COPZ2: variants seen among roughly 807,000 people sequenced by gnomAD.
COPZ2 encodes coat protein complex I subunit zeta 2, also known as coatomer subunit zeta-2.
In COPZ2, 30 loss-of-function variants were observed where a neutral mutation model predicts 33.2. The observed-to-expected ratio is 0.90, with a 90% confidence interval of 0.68 to 1.23. COPZ2 has a LOEUF of 1.23. COPZ2 is among the 50% of genes most tolerant of loss of function. The pLI is 0.00. For synonymous variants in COPZ2, 89 were observed against 102.6 expected (o/e 0.87, Z 0.80); for missense variants, 263 against 262.4 (o/e 1.00, Z -0.02).
upstream of COPZ2, among the ~76,000 whole-genome samples, chr17:48,040,555 C>T (rs2037051946): frequency 6.6e-6 from 1 of 151,468 alleles, no homozygotes. Flanking sequence ...GCCTCAGCCT[C>T]CCGAGTAGTT....
At chr17:48,040,214 C>G (rs2037048842), upstream of COPZ2, among the ~76,000 whole-genome samples, 4 of 146,290 alleles carry the variant, frequency 2.7e-5, no homozygotes, top group South Asian at 8.8e-4. Flanking sequence ...TGGGACGATA[C>G]ACACGTGCCA....
chr17:48,033,070 G>C, intron 4 of COPZ2, 141 bp downstream of exon 4: 1 of 634,668 alleles, frequency 1.6e-6, no homozygotes, highest in East Asian at 2.7e-5. Flanking sequence ...GAACCCTTCT[G>C]GCTGCCCTCC....
the COPZ2 span, chr17:48,043,450 C>A: frequency 1.1e-6 from 1 of 899,368 alleles, no homozygotes; most frequent in Non-Finnish European, 1.3e-6. Context: ...CTCTCTCTAT[C>A]CCTCCTGCTT....
At chr17:48,043,311 A>T in the COPZ2 span, among the ~76,000 whole-genome samples, 2 of 152,182 alleles carry the variant, frequency 1.3e-5, no homozygotes, top group Non-Finnish European at 2.9e-5. Context: ...GCCTTGGTAT[A>T]GCTTGAAGGG....
intron 6 of COPZ2, chr17:48,031,722 G>A (rs565790160): frequency 1.7e-4 from 31 of 185,736 alleles, no homozygotes; most frequent in Non-Finnish European, 2.3e-4. Flanking sequence ...AGTAAGCCTC[G>A]GGGAGGGTCA....
chr17:48,029,295 G>A, intron 6 of COPZ2, 119 bp from the exon 7 acceptor site: 2 of 896,208 alleles, frequency 2.2e-6, no homozygotes, highest in Non-Finnish European at 3.6e-6. Context: ...CCACCTTCCA[G>A]GTCCCTTCCC....
chr17:48,045,982 T>G, the COPZ2 span: 1 of 152,132 alleles, frequency 6.6e-6, no homozygotes, highest in Non-Finnish European at 1.5e-5. Flanking sequence ...AAGACAGTCT[T>G]TCTGTCTCCA....
chr17:48,041,982 GT>G (rs1183020447), upstream of COPZ2, among the ~76,000 whole-genome samples: 2 of 152,032 alleles, frequency 1.3e-5, no homozygotes, highest in Non-Finnish European at 2.9e-5. Context: ...CATAGGGGAG[GT>G]GGGGAAGGAG....
At chr17:48,040,839 T>A (rs1337611694), upstream of COPZ2, among the ~76,000 whole-genome samples, 1 of 151,868 alleles carries the variant, frequency 6.6e-6, no homozygotes, top group Non-Finnish European at 1.5e-5. Context: ...TAATAATAAT[T>A]AAAATGTACC....
intron 6 of COPZ2, among the ~76,000 whole-genome samples, chr17:48,030,064 T>G: frequency 6.6e-6 from 1 of 150,640 alleles, no homozygotes; most frequent in East Asian, 2.0e-4. Flanking sequence ...GGTGGGAGGA[T>G]CACAAGGTGA....
chr17:48,047,632 A>ACCGCCAACATT, the COPZ2 span: 1 of 151,178 alleles, frequency 6.6e-6, no homozygotes, highest in African/African-American at 2.4e-5. Flanking sequence ...CACCTCTCAC[A>ACCGCCAACATT]CCGCCAACGT....
rs1416589781 is a variant in COPZ2, at chr17:48,026,168, T to G, written c.*260A>C. The G allele has an allele frequency of 4.0e-6, 2 of 502,816 alleles. No individual in the cohort carries two copies. The highest frequency in any genetic ancestry group is 7.0e-6 in the Non-Finnish European group (2 of 284,278). The allele number at this position is 502,816 out of a possible 1,614,324, so 31.1% of individuals were successfully genotyped here. On this transcript the variant is annotated 3_prime_UTR_variant, in exon 9 of 9. Transcript: ENST00000621465. ...CTAGGCCAAGAGAGAAGGAGACCCT[T>G]GGCAGAAGACAAAAGCAGGTTTATT...
chr17:48,036,737 G>C, intron 2 of COPZ2, 114 bp downstream of exon 2: 1 of 896,360 alleles, frequency 1.1e-6, no homozygotes, highest in Non-Finnish European at 1.8e-6. Flanking sequence ...AGGACCTCTG[G>C]AGGGGTCTAA....
intron 8 of COPZ2, chr17:48,027,593 T>C (rs942569644): frequency 1.2e-4 from 19 of 152,194 alleles, no homozygotes; most frequent in African/African-American, 4.6e-4. Context: ...CATTCCAGCA[T>C]GGTATGAGGA....
In COPZ2 at chr17:48,036,703, C is replaced by A. The variant is rs548886148; in HGVS notation, c.186+148G>T. 185 of 669,648 alleles carry A rather than the reference C, an allele frequency of 2.8e-4. 1 individual carries two copies. In the African/African-American group the frequency reaches 3.2e-3, roughly 11 times the overall value. 41.5% of individuals were successfully genotyped at this position (669,648 alleles called of 1,614,324 possible). A position where few individuals can be genotyped will look rare whatever the true frequency, so the allele number is the denominator to read the frequency against. On this transcript the variant is annotated intron_variant, in intron 2 of 8. Transcript: ENST00000621465. ...AGACCCCTCATTTCAGGGAGCAGCA[C>A]CTTGACAAGGCAGGAGGATGAGAAG...
At chr17:48,042,142 CT>C (rs1389788842), upstream of COPZ2, among the ~76,000 whole-genome samples, 1 of 151,276 alleles carries the variant, frequency 6.6e-6, no homozygotes, top group Non-Finnish European at 1.5e-5. Context: ...TTCTTTTTTT[CT>C]TTTTTTTGAG....
At chr17:48,044,342 C>G in the COPZ2 span, among the ~76,000 whole-genome samples, 6 of 146,234 alleles carry the variant, frequency 4.1e-5, no homozygotes, top group Admixed American at 4.1e-4. Flanking sequence ...GCGACTCCAT[C>G]TCAAAAAAAA....
At chr17:48,044,780 A>C in the COPZ2 span, among the ~76,000 whole-genome samples, 2 of 152,146 alleles carry the variant, frequency 1.3e-5, no homozygotes, top group African/African-American at 4.8e-5. Flanking sequence ...CAGAAAACTA[A>C]TTGATTTCTT....
At chr17:48,030,584 C>T (rs897582365) in intron 6 of COPZ2, among the ~76,000 whole-genome samples, 10 of 152,174 alleles carry the variant, frequency 6.6e-5, no homozygotes, top group African/African-American at 2.4e-4. Flanking sequence ...GAGCCTCTTC[C>T]AGTCCCCATC....
Sources: allele counts gnomAD v4.1 joint callset (sites outside exome capture counted in the v4.1 genomes callset), GRCh38; gene constraint gnomAD v4.1.1; transcripts MANE v1.5; gene names NCBI Gene and HGNC (gene_info 2026-07-23, HGNC 2026-07-21).